Variants in IGHMBP2 observed in about 807,000 individuals in gnomAD.
The protein encoded by IGHMBP2 is DNA-binding protein SMUBP-2.
A neutral mutation model predicts 96.0 loss-of-function variants in IGHMBP2; 81 were observed. That is an observed-to-expected ratio of 0.84 (90% confidence interval 0.71 to 1.01). The LOEUF (loss-of-function observed/expected upper bound fraction) is 1.01, where lower values mean the gene tolerates loss of function less well. IGHMBP2 is among the 50% of genes least tolerant of loss of function. The pLI, the probability that IGHMBP2 is intolerant of heterozygous loss-of-function variation, is 0.00. For missense variants in IGHMBP2, 1,227 were observed against 1,306.3 expected (o/e 0.94, Z 0.94); for synonymous variants, 557 against 548.9 (o/e 1.01, Z -0.21).
intron 7 of IGHMBP2, among the ~76,000 whole-genome samples, chr11:68,924,054 G>A (rs139241431): frequency 5.9e-5 from 9 of 152,234 alleles, no homozygotes; most frequent in African/African-American, 1.9e-4. Context: ...TTTGTCTCTC[G>A]TTATTCAGGG....
rs1859581026 is a variant in IGHMBP2 at position 68,937,203 on chromosome 11, G to A, written c.2611+112G>A. ...GGAAGGGCTTCCTCCTGGTGGCACC[G>A]TGCCCGTGTCATTTTAGCTTTATTT... On this transcript the variant is annotated intron_variant, in intron 13 of 14. Transcript: ENST00000255078. 14 of 1,330,666 alleles carry A rather than the reference G, an allele frequency of 1.1e-5. No homozygotes were observed. In the Middle Eastern group the frequency reaches 7.7e-4, roughly 73 times the overall value. 82.4% of individuals were successfully genotyped at this position (1,330,666 alleles called of 1,614,324 possible). A position where few individuals can be genotyped will look rare whatever the true frequency, so the allele number is the denominator to read the frequency against.
At chr11:68,936,026 G>T (rs1007533468) in intron 12 of IGHMBP2, among the ~76,000 whole-genome samples, 5 of 152,242 alleles carry the variant, frequency 3.3e-5, no homozygotes, top group African/African-American at 1.2e-4. Context: ...AACCCAGTCG[G>T]GTTCCCCAGA....
chr11:68,908,029 C>A, intron 2 of IGHMBP2, 116 bp from the exon 3 acceptor site: 1 of 914,574 alleles, frequency 1.1e-6, no homozygotes, highest in Non-Finnish European at 1.8e-6. Flanking sequence ...TTACTGATTG[C>A]ATTTACTAAA....
chr11:68,935,448 T>A (rs770201677), intron 12 of IGHMBP2, 26 bp downstream of exon 12: 1 of 1,613,536 alleles, frequency 6.2e-7, no homozygotes, highest in South Asian at 1.1e-5. Flanking sequence ...CAGAGTCCTT[T>A]GGGGACAGCA....
chr11:68,929,076 A>G lies in IGHMBP2; in HGVS notation c.1061-107A>G, dbSNP rs1200254244. ...TACAAATTTATCCCACACAGTTGCA[A>G]TGCAAGCCTTGATGAAACCCCAGCT... On this transcript the variant is annotated intron_variant, in intron 7 of 14. Coordinates refer to ENST00000255078, the MANE Select transcript of IGHMBP2 (RefSeq NM_002180.3). The G allele has an allele frequency of 7.6e-6, 8 of 1,049,948 alleles. No individual in the cohort carries two copies. In the East Asian group the frequency reaches 1.6e-4, roughly 22 times the overall value. 65.0% of individuals were successfully genotyped at this position (1,049,948 alleles called of 1,614,324 possible). A position where few individuals can be genotyped will look rare whatever the true frequency, so the allele number is the denominator to read the frequency against.
chr11:68,903,906 C>A lies in IGHMBP2; in HGVS notation c.-47C>A. ...CCGGTCCGCTGTAACACCGGCCCGG[C>A]GCAGAAGCGGGACGTCGGCTTCTAG... is the stretch of plus-strand genomic sequence containing the variant. On this transcript the variant is annotated 5_prime_UTR_variant, in exon 1 of 15. Coordinates refer to ENST00000255078, the MANE Select transcript of IGHMBP2 (RefSeq NM_002180.3). The A allele has an allele frequency of 6.2e-7, 1 of 1,605,342 alleles. No homozygotes were observed. Among genetic ancestry groups the A allele is most frequent in the East Asian group, 2.2e-5 (1 of 44,702 alleles).
rs1859616565 is a variant in IGHMBP2, at chr11:68,937,987, G to A, written c.2612-195G>A. The A allele has an allele frequency of 4.7e-6, 3 of 639,576 alleles. No homozygotes were observed. The South Asian group carries it at 5.3e-5, about 11-fold the overall frequency. 39.6% of individuals were successfully genotyped at this position (639,576 alleles called of 1,614,324 possible). A position where few individuals can be genotyped will look rare whatever the true frequency, so the allele number is the denominator to read the frequency against. ...TTTTTTTTAGAATTAATAGAGACGGGGTCTCACTCTGTCACTATGTTGCCC... is the reference window on the plus strand; with the variant it reads ...TTTTTTTTAGAATTAATAGAGACGGAGTCTCACTCTGTCACTATGTTGCCC... On this transcript the variant is annotated intron_variant, in intron 13 of 14. Coordinates refer to ENST00000255078, the MANE Select transcript of IGHMBP2 (RefSeq NM_002180.3).
At chr11:68,933,562 T>C (rs1859402290) in intron 9 of IGHMBP2, 81 bp downstream of exon 9, 2 of 1,484,232 alleles carry the variant, frequency 1.3e-6, no homozygotes, top group Non-Finnish European at 1.8e-6. Context: ...CGCAGCAAGC[T>C]AAAGTGAAGC....
chr11:68,934,758 C>T (rs759584340), intron 11 of IGHMBP2, among the ~76,000 whole-genome samples, 200 bp downstream of exon 11: 15 of 152,220 alleles, frequency 9.9e-5, no homozygotes, highest in South Asian at 2.1e-4. Context: ...CACCTTGCCC[C>T]GCCCTGCCCG....
intron 4 of IGHMBP2, 132 bp from the exon 5 acceptor site, chr11:68,911,308 G>T: frequency 1.2e-6 from 1 of 813,522 alleles, no homozygotes; most frequent in Non-Finnish European, 2.1e-6. Flanking sequence ...TGTGTTGATT[G>T]GGTTGCCCCT....
At position 68,936,811 on chromosome 11, in the gene IGHMBP2, G is replaced by C; in HGVS notation, c.2331G>C (p.Arg777Ser). ...ACGACAGTTCCGGGGAAGGGAAGAG[G>C]AGGTTCATCACTGTGAGCAAGAGGG... ...LRHDSSGEGK[R>S]RFITVSKRAP... is the part of the protein sequence containing the mutation. Residue 777 changes from arginine (R) to serine (S), a missense_variant, in exon 13 of 15, where the codon AGG (arginine) becomes AGC (serine). Arg to Ser is a moderately radical substitution (Grantham distance 110). Transcript: ENST00000255078. 1.2e-6 allele frequency: 2 copies of C among 1,613,964 alleles called. No individual in the cohort carries two copies. Among genetic ancestry groups the C allele is most frequent in the Admixed American group, 3.3e-5 (2 of 60,030 alleles).
At chr11:68,914,743 A>G (rs1419555708) in intron 5 of IGHMBP2, 80 bp from the exon 6 acceptor site, 2 of 1,449,930 alleles carry the variant, frequency 1.4e-6, no homozygotes, top group Non-Finnish European at 1.9e-6. Context: ...TTCTACCTTT[A>G]AGGCTTTTTG....
intron 7 of IGHMBP2, among the ~76,000 whole-genome samples, chr11:68,925,503 C>T (rs114292490): frequency 6.6e-6 from 1 of 151,946 alleles, no homozygotes; most frequent in Non-Finnish European, 1.5e-5. Context: ...TTAAATCAGA[C>T]AGGAGAAAAA....
intron 10 of IGHMBP2, 148 bp downstream of exon 10, chr11:68,934,061 G>A (rs1410675270): frequency 2.8e-6 from 2 of 707,380 alleles, no homozygotes; most frequent in East Asian, 2.7e-5. Flanking sequence ...ACTGCAAGAG[G>A]CTGAGCAGCA....
chr11:68,936,088 C>T lies in IGHMBP2; in HGVS notation c.1757-149C>T, dbSNP rs58975356. 0.016 allele frequency: 13,843 copies of T among 841,650 alleles called. 172 individuals carry two copies. The highest frequency in any genetic ancestry group is 0.036 in the South Asian group (2,571 of 71,762). The allele number at this position is 841,650 out of a possible 1,614,324, so 52.1% of individuals were successfully genotyped here. A position where few individuals can be genotyped will look rare whatever the true frequency, so the allele number is the denominator to read the frequency against. ...AGATGCCAGGGCAGGTGTGGCATCA[C>T]GGTGCCACGCGTGGCCGGGCACCCG... On this transcript the variant is annotated intron_variant, in intron 12 of 14. Transcript: ENST00000255078.
intron 4 of IGHMBP2, 92 bp from the exon 5 acceptor site, chr11:68,911,348 T>A (rs1858423032): frequency 7.6e-7 from 1 of 1,311,176 alleles, no homozygotes; most frequent in Non-Finnish European, 1.1e-6. Flanking sequence ...CTGACAGGCA[T>A]CACTCATCCC....
intron 8 of IGHMBP2, among the ~76,000 whole-genome samples, chr11:68,931,692 A>T (rs534313574): frequency 1.3e-5 from 2 of 152,150 alleles, no homozygotes; most frequent in African/African-American, 4.8e-5. Flanking sequence ...AGCCACTGCC[A>T]TCAGAACCTC....
At position 68,938,263 on chromosome 11, in the gene IGHMBP2, G is replaced by A. The variant is rs536064934; in HGVS notation, c.2693G>A (p.Gly898Asp). 6.2e-7 allele frequency: 1 copy of A among 1,613,974 alleles called. No individual in the cohort carries two copies. Among genetic ancestry groups the A allele is most frequent in the Admixed American group, 1.7e-5 (1 of 60,028 alleles). The change falls in exon 14 of 15, where the codon GGC becomes GAC. Residue 898 changes from glycine (G) to aspartate (D), a missense_variant. Physicochemically the swap from Gly to Asp is moderately conservative, Grantham distance 94 (BLOSUM62 -1). This residue lies in a region of IGHMBP2 where 703 missense variants were observed against 770.3 expected (regional missense o/e 0.91). Coordinates refer to ENST00000255078, the MANE Select transcript of IGHMBP2 (RefSeq NM_002180.3). ...GCCGTTAAGGCTGATAACACCTGCGGCTTTGCCAAGTGCACAGCCGGCGTC... is the reference window on the plus strand; with the variant it reads ...GCCGTTAAGGCTGATAACACCTGCGACTTTGCCAAGTGCACAGCCGGCGTC... ...SAAVKADNTC[G>D]FAKCTAGVTT...
chr11:68,905,939 G>A (rs1017160976), intron 1 of IGHMBP2, 130 bp from the exon 2 acceptor site: 5 of 938,670 alleles, frequency 5.3e-6, no homozygotes, highest in African/African-American at 4.8e-5. Context: ...CCAATTCGGA[G>A]TTCCATTGGG....
Sources: gnomAD v4.1 joint callset for allele counts (sites outside exome capture counted in the v4.1 genomes callset) on GRCh38, gnomAD v4.1.1 for gene constraint, gnomAD v4.1.1 regional missense constraint, MANE v1.5 for transcripts, NCBI Gene and HGNC (gene_info 2026-07-23, HGNC 2026-07-21) for gene names.